ARFGEF1: variants seen among roughly 807,000 people sequenced by gnomAD.
ARFGEF1 encodes the protein brefeldin A-inhibited guanine nucleotide-exchange protein 1.
A neutral mutation model predicts 231.0 loss-of-function variants in ARFGEF1; 42 were observed. That is an observed-to-expected ratio of 0.18 (90% CI 0.14 to 0.24). ARFGEF1 has a LOEUF of 0.24. Among genes scored for constraint, ARFGEF1 ranks in the 10% least tolerant of loss-of-function variants. The pLI, the probability that ARFGEF1 is intolerant of heterozygous loss-of-function variation, is 1.00. For missense variants in ARFGEF1, 1,345 were observed against 2,192.0 expected (o/e 0.61, Z 7.72); for synonymous variants, 710 against 732.3 (o/e 0.97, Z 0.49).
At chr8:67,281,383 T>G (rs1216254584) in intron 7 of ARFGEF1, among the ~76,000 whole-genome samples, 1 of 151,938 alleles carries the variant, frequency 6.6e-6, no homozygotes, top group African/African-American at 2.4e-5. Context: ...AAAAGTAAAA[T>G]TCATACCCAT....
intron 33 of ARFGEF1, among the ~76,000 whole-genome samples, chr8:67,216,026 T>C (rs1838916793): frequency 6.6e-6 from 1 of 152,216 alleles, no homozygotes; most frequent in Non-Finnish European, 1.5e-5. Flanking sequence ...TTGTTCTATG[T>C]CCTATATTTA....
intron 1 of ARFGEF1, among the ~76,000 whole-genome samples, chr8:67,309,764 C>A (rs942750779): frequency 1.3e-5 from 2 of 152,186 alleles, no homozygotes; most frequent in Non-Finnish European, 2.9e-5. Context: ...TCAAACAAAA[C>A]AAAATCTTGT....
At chr8:67,266,608 CTATAAT>C (rs148847792) in intron 13 of ARFGEF1, among the ~76,000 whole-genome samples, 2,300 of 152,116 alleles carry the variant, frequency 0.015, 62 homozygotes, top group African/African-American at 0.053. Context: ...TATGTTTCCT[CTATAAT>C]TATAATACAA....
chr8:67,293,697 C>CATG (rs1806108275), intron 5 of ARFGEF1, among the ~76,000 whole-genome samples: 1 of 152,110 alleles, frequency 6.6e-6, no homozygotes, highest in African/African-American at 2.4e-5. Flanking sequence ...TCAAGATGGT[C>CATG]ACCAATGATG....
At chr8:67,340,374 G>A (rs181794340) in intron 1 of ARFGEF1, among the ~76,000 whole-genome samples, 3 of 152,260 alleles carry the variant, frequency 2.0e-5, no homozygotes, top group East Asian at 1.9e-4. Flanking sequence ...CTATAGAACC[G>A]AGAGGACTAA....
At chr8:67,174,589 C>T (rs963477521), downstream of ARFGEF1, 1 of 152,158 alleles carries the variant, frequency 6.6e-6, no homozygotes, top group Non-Finnish European at 1.5e-5. Context: ...AGTGAAACCT[C>T]GTCTCTACTA....
chr8:67,269,344 G>A lies in ARFGEF1; in HGVS notation c.1573-1902C>T, dbSNP rs374247938. 1.3e-3 allele frequency among the ~76,000 whole-genome samples: 192 copies of A among 144,430 alleles called. 1 individual carries two copies. Among genetic ancestry groups the A allele is most frequent in the African/African-American group, 4.7e-3 (184 of 38,888 alleles). The allele number at this position is 144,430 out of a possible 152,430, so 94.8% of individuals were successfully genotyped here. A position where few individuals can be genotyped will look rare whatever the true frequency, so the allele number is the denominator to read the frequency against. On this transcript the variant is annotated intron_variant, in intron 10 of 38. Coordinates refer to ENST00000262215, the MANE Select transcript of ARFGEF1 (RefSeq NM_006421.5). ...GTTTTCATAGCTGGGCTTTCTCCAC[G>A]TTCAGCTTTTTTTTTTTTTTTTTTT...
At chr8:67,199,320 T>C (rs1447482087) in intron 38 of ARFGEF1, 6 of 453,492 alleles carry the variant, frequency 1.3e-5, no homozygotes, top group Non-Finnish European at 2.3e-5. Flanking sequence ...AAAACATTTG[T>C]CTGTATATCT....
intron 4 of ARFGEF1, 53 bp downstream of exon 4, chr8:67,299,156 G>A: frequency 7.0e-7 from 1 of 1,431,920 alleles, no homozygotes; most frequent in East Asian, 2.5e-5. Flanking sequence ...AAAGGCATCT[G>A]AATTTTGAAG....
intron 33 of ARFGEF1, 93 bp from the exon 34 acceptor site, chr8:67,211,708 T>A: frequency 1.4e-6 from 1 of 705,102 alleles, no homozygotes; most frequent in South Asian, 4.2e-5. Flanking sequence ...AATTATATTA[T>A]GTCCCTATGA....
chr8:67,329,188 C>T (rs1005462570), intron 1 of ARFGEF1, among the ~76,000 whole-genome samples: 5 of 151,472 alleles, frequency 3.3e-5, no homozygotes, highest in East Asian at 1.9e-4. Context: ...ATGGCACCAC[C>T]GCACTCCAGC....
chr8:67,320,707 A>G (rs1002700687), intron 1 of ARFGEF1, among the ~76,000 whole-genome samples: 14 of 152,066 alleles, frequency 9.2e-5, no homozygotes, highest in Middle Eastern at 3.4e-3. Flanking sequence ...CTATAATCCC[A>G]GCACTTTGGG....
chr8:67,304,718 C>T (rs952399269), intron 1 of ARFGEF1, among the ~76,000 whole-genome samples: 4 of 152,176 alleles, frequency 2.6e-5, no homozygotes, highest in African/African-American at 9.7e-5. Flanking sequence ...ACTTGGGAGG[C>T]TGAGGCACAG....
At position 67,330,488 on chromosome 8, in the gene ARFGEF1, G is replaced by A. The variant is rs376957112; in HGVS notation, c.124+12676C>T. On this transcript the variant is annotated intron_variant, in intron 1 of 38. Transcript: ENST00000262215. ...TCAAACACACAGATTCATCATTGCAGTTAGTAAAAAAAACACATTCTAATA... is the reference window on the plus strand; with the variant it reads ...TCAAACACACAGATTCATCATTGCAATTAGTAAAAAAAACACATTCTAATA... Among the ~76,000 whole-genome samples the A allele has an allele frequency of 3.2e-3, 482 of 152,176 alleles. 5 individuals carry two copies. Among genetic ancestry groups the A allele is most frequent in the African/African-American group, 0.011 (460 of 41,538 alleles).
chr8:67,265,922 T>A, intron 14 of ARFGEF1, 84 bp downstream of exon 14: 1 of 1,227,056 alleles, frequency 8.1e-7, no homozygotes, highest in South Asian at 1.3e-5. Context: ...TTACTCATTA[T>A]AAGGTGATAA....
At chr8:67,194,921 A>G (rs551206230), downstream of ARFGEF1, among the ~76,000 whole-genome samples, 1 of 152,308 alleles carries the variant, frequency 6.6e-6, no homozygotes, top group African/African-American at 2.4e-5. Flanking sequence ...AAATAACTTA[A>G]TAATTTCCTT....
chr8:67,339,805 G>GGGGGGGGGGGTTTTTT (rs79194289), intron 1 of ARFGEF1, among the ~76,000 whole-genome samples: 1 of 92,686 alleles, frequency 1.1e-5, no homozygotes, highest in African/African-American at 4.0e-5. Flanking sequence ...CGGGGGGGGG[G>GGGGGGGGGGGTTTTTT]ATTCTTTCTT....
At chr8:67,277,233 T>C (rs1587196609) in intron 8 of ARFGEF1, 49 bp downstream of exon 8, 3 of 1,576,306 alleles carry the variant, frequency 1.9e-6, no homozygotes, top group African/African-American at 2.7e-5. Context: ...AGCCTATAAA[T>C]TTGTAAGATT....
At chr8:67,304,612 A>T (rs1806651630) in intron 1 of ARFGEF1, among the ~76,000 whole-genome samples, 1 of 152,208 alleles carries the variant, frequency 6.6e-6, no homozygotes, top group Admixed American at 6.5e-5. Context: ...CGATCACTTG[A>T]GGTCAGGAAT....
Sources: allele counts gnomAD v4.1 joint callset (sites outside exome capture counted in the v4.1 genomes callset), GRCh38; gene constraint gnomAD v4.1.1; transcripts MANE v1.5; gene names NCBI Gene and HGNC (gene_info 2026-07-23, HGNC 2026-07-21).